AMMECR1: variants seen among roughly 807,000 people sequenced by gnomAD.
AMMECR1 encodes the protein AMMECR nuclear protein 1.
Under a neutral mutation model 22.5 loss-of-function variants are expected in AMMECR1, and 3 were observed. The observed-to-expected ratio is 0.13, with a 90% CI of 0.06 to 0.35. AMMECR1 has a LOEUF of 0.35. AMMECR1 is among the 10% of genes least tolerant of loss of function. AMMECR1 has a pLI of 1.00. For synonymous variants in AMMECR1, 130 were observed against 116.7 expected (o/e 1.11, Z -0.74); for missense variants, 235 against 278.7 (o/e 0.84, Z 1.12).
chrX:110,413,677 C>A (rs1033638130), intron 2 of AMMECR1, among the ~76,000 whole-genome samples: 1 of 109,802 alleles, frequency 9.1e-6, no homozygotes, highest in African/African-American at 3.3e-5. Flanking sequence ...CAGTCAGAAC[C>A]CCCTACCATC....
intron 1 of AMMECR1, among the ~76,000 whole-genome samples, chrX:110,437,959 C>A (rs1238799016): frequency 8.9e-6 from 1 of 111,787 alleles, no homozygotes; most frequent in Non-Finnish European, 1.9e-5. Context: ...ATTCCTCCTT[C>A]TTGTACCCCA....
At chrX:110,410,322 G>C (rs900444184) in intron 2 of AMMECR1, among the ~76,000 whole-genome samples, 3 of 111,741 alleles carry the variant, frequency 2.7e-5, no homozygotes, top group Non-Finnish European at 5.6e-5. Context: ...GCATCTTAAA[G>C]GTTGTTTTTC....
chrX:110,334,594 T>C (rs1043245052), intron 2 of AMMECR1, among the ~76,000 whole-genome samples: 1 of 112,197 alleles, frequency 8.9e-6, no homozygotes, highest in Non-Finnish European at 1.9e-5. Context: ...TATTGAGATA[T>C]GTTTTTAATA....
rs749076047 is a variant in AMMECR1 at position 110,422,460 on chromosome X, C to A, written c.-148+4198G>T. 2.7e-5 allele frequency among the ~76,000 whole-genome samples: 3 copies of A among 112,781 alleles called. No homozygotes were observed. The East Asian group carries it at 8.3e-4, about 31-fold the overall frequency. On this transcript the variant is annotated intron_variant, in intron 2 of 7. Transcript: ENST00000372057. ...CCAGATACGAGACCAGGAGGCAAAG[C>A]CATATTTACCTGTTCTCCCCAGTTG...
chrX:110,322,807 A>G (rs980637992), upstream of AMMECR1, among the ~76,000 whole-genome samples: 1 of 111,895 alleles, frequency 8.9e-6, no homozygotes, highest in East Asian at 2.8e-4. Context: ...TTCTCTCAGC[A>G]TGAGTAATAC....
chrX:110,427,690 T>C (rs2068764045), intron 1 of AMMECR1, among the ~76,000 whole-genome samples: 1 of 112,493 alleles, frequency 8.9e-6, no homozygotes, highest in Non-Finnish European at 1.9e-5. Flanking sequence ...TGAGAACTAC[T>C]GCTCTATAGG....
At chrX:110,378,143 A>AT (rs1465888830) in intron 2 of AMMECR1, among the ~76,000 whole-genome samples, 3 of 110,112 alleles carry the variant, frequency 2.7e-5, no homozygotes, top group Non-Finnish European at 5.7e-5. Flanking sequence ...TATTCTGCCC[A>AT]TTTTTTTGGC....
At chrX:110,224,517 TTAC>T (rs2067521724) in intron 2 of AMMECR1, among the ~76,000 whole-genome samples, 2 of 107,881 alleles carry the variant, frequency 1.9e-5, no homozygotes, top group African/African-American at 7.2e-5. Flanking sequence ...ACAGGGAGTT[TTAC>T]AGAAATAAAA....
chrX:110,221,643 A>G (rs2067500558), intron 2 of AMMECR1, among the ~76,000 whole-genome samples: 1 of 111,377 alleles, frequency 9.0e-6, no homozygotes, highest in African/African-American at 3.3e-5. Context: ...GACCATTAAC[A>G]TTTATTAATT....
At chrX:110,354,837 C>T (rs982607118) in intron 2 of AMMECR1, among the ~76,000 whole-genome samples, 31 of 111,640 alleles carry the variant, frequency 2.8e-4, no homozygotes, top group African/African-American at 8.8e-4. Flanking sequence ...CTCACCAATT[C>T]GAAATAAATA....
chrX:110,258,265 A>T (rs774976046), intron 2 of AMMECR1, among the ~76,000 whole-genome samples: 1 of 112,407 alleles, frequency 8.9e-6, no homozygotes, highest in South Asian at 3.7e-4. Context: ...CCATTCTGCA[A>T]ATGGTTCCTG....
chrX:110,367,866 T>A (rs762950004), intron 2 of AMMECR1, among the ~76,000 whole-genome samples: 67 of 109,552 alleles, frequency 6.1e-4, no homozygotes, highest in African/African-American at 2.0e-3. Context: ...TGGAATGGAG[T>A]GGCACAATCA....
chrX:110,380,239 A>G (rs1161076824), intron 2 of AMMECR1, among the ~76,000 whole-genome samples: 1 of 112,245 alleles, frequency 8.9e-6, no homozygotes, highest in Non-Finnish European at 1.9e-5. Context: ...CAAAAGGATT[A>G]GAAACTTGAA....
chrX:110,354,827 C>G (rs779224593), intron 2 of AMMECR1, among the ~76,000 whole-genome samples: 10 of 112,024 alleles, frequency 8.9e-5, no homozygotes, highest in African/African-American at 3.2e-4. Context: ...ACCCCTATCT[C>G]TCACCAATTC....
intron 1 of AMMECR1, among the ~76,000 whole-genome samples, chrX:110,289,243 C>T (rs1190807799): frequency 9.0e-6 from 1 of 111,642 alleles, no homozygotes; most frequent in Non-Finnish European, 1.9e-5. Flanking sequence ...CTTTTAGTCA[C>T]CCACTTCTGA....
chrX:110,384,454 T>C (rs2068440992), intron 2 of AMMECR1, among the ~76,000 whole-genome samples: 2 of 111,904 alleles, frequency 1.8e-5, no homozygotes, highest in African/African-American at 6.5e-5. Flanking sequence ...TTAGTACATG[T>C]AAAACCTAGC....
At chrX:110,218,685 T>C (rs999747449) in intron 2 of AMMECR1, among the ~76,000 whole-genome samples, 1 of 111,270 alleles carries the variant, frequency 9.0e-6, no homozygotes, top group Non-Finnish European at 1.9e-5. Context: ...CCTTTTAAAG[T>C]ATATAATTCA....
At chrX:110,223,591 C>A (rs1283722153) in intron 2 of AMMECR1, among the ~76,000 whole-genome samples, 2 of 111,843 alleles carry the variant, frequency 1.8e-5, no homozygotes, top group African/African-American at 6.5e-5. Context: ...TTCCAGGGAT[C>A]TCATCCGTGT....
In AMMECR1 at chrX:110,198,603, C is replaced by G. The variant is rs756839327; in HGVS notation, c.919G>C (p.Ala307Pro). ...YRSEKMTLSY[A>P]EYLAHRQHHH... is the part of the protein sequence containing the mutation. The stretch of plus-strand genomic sequence containing the variant: ...TGCTGGCGATGAGCAAGGTATTCAG[C>G]ATAGCTCAGGGTCATCTTTTCACTA... The change falls in exon 6 of 6, where the codon GCT (alanine) becomes CCT (proline). Residue 307 changes from alanine to proline, a missense_variant. Ala to Pro is a conservative substitution (Grantham distance 27, BLOSUM62 -1). Around this residue, in one of 2 missense-constraint regions of AMMECR1, gnomAD observed 111 missense variants for 181.7 expected, o/e 0.61. Coordinates refer to ENST00000262844, the MANE Select transcript of AMMECR1 (RefSeq NM_015365.3). The G allele has an allele frequency of 1.1e-5, 13 of 1,206,793 alleles. No homozygotes were observed. The highest frequency in any genetic ancestry group is 2.3e-4 in the Middle Eastern group (1 of 4,333).
Sources: gnomAD v4.1 joint callset for allele counts (sites outside exome capture counted in the v4.1 genomes callset) on GRCh38, gnomAD v4.1.1 for gene constraint, gnomAD v4.1.1 regional missense constraint, MANE v1.5 for transcripts, NCBI Gene and HGNC (gene_info 2026-07-23, HGNC 2026-07-21) for gene names.